PPP2R2B: variants seen among roughly 807,000 people sequenced by gnomAD.
PPP2R2B encodes serine/threonine-protein phosphatase 2A 55 kDa regulatory subunit B beta isoform.
Under a neutral mutation model 46.0 loss-of-function variants are expected in PPP2R2B, and 5 were observed. The observed-to-expected ratio is 0.11, with a 90% CI of 0.06 to 0.23. PPP2R2B has a LOEUF of 0.23. Among genes scored for constraint, PPP2R2B ranks in the 10% least tolerant of loss-of-function variants. The pLI, the probability that PPP2R2B is intolerant of heterozygous loss-of-function variation, is 1.00. For missense variants in PPP2R2B, 367 were observed against 575.0 expected (o/e 0.64, Z 3.70); for synonymous variants, 215 against 206.7 (o/e 1.04, Z -0.34).
chr5:146,800,760 A>C (rs1756812932), intron 2 of PPP2R2B, among the ~76,000 whole-genome samples: 1 of 151,996 alleles, frequency 6.6e-6, no homozygotes, highest in African/African-American at 2.4e-5. Flanking sequence ...TAGGGGTTCA[A>C]AATAGGGGGG....
chr5:146,593,281 G>A (rs1770841098), intron 8 of PPP2R2B, among the ~76,000 whole-genome samples: 1 of 152,202 alleles, frequency 6.6e-6, no homozygotes, highest in Admixed American at 6.5e-5. Context: ...AATCAAGCTT[G>A]CTTGTATAGA....
intron 2 of PPP2R2B, among the ~76,000 whole-genome samples, chr5:146,829,769 T>C (rs1312650653): frequency 3.3e-5 from 5 of 152,218 alleles, no homozygotes; most frequent in African/African-American, 1.2e-4. Flanking sequence ...CTCCATTTTT[T>C]CACGTAACTA....
Position 146,590,111 on chromosome 5 carries a change from G to C in PPP2R2B, c.1168C>G (p.Pro390Ala). Residue 390 changes from proline to alanine, a missense_variant, in exon 10 of 10, where the codon CCC (proline) becomes GCC (alanine). Pro to Ala is a conservative substitution (Grantham distance 27). This residue lies in a region of PPP2R2B where 361 missense variants were observed against 545.5 expected (regional missense o/e 0.66). Transcript: ENST00000394411. ...TTGCCCCCCACACACACTTTTCGGG[G>C]TTTGAGGATAGCCCGGGGCTTGCTG... ...ENSKPRAILKPRKVCVGGKRR... is the reference protein window; with the variant it reads ...ENSKPRAILKARKVCVGGKRR... 6.2e-7 allele frequency: 1 copy of C among 1,614,108 alleles called. No homozygotes were observed. The highest frequency in any genetic ancestry group is 8.5e-7 in the Non-Finnish European group (1 of 1,180,036).
intron 2 of PPP2R2B, among the ~76,000 whole-genome samples, chr5:146,768,818 AC>A (rs796872079): frequency 2.6e-5 from 4 of 151,538 alleles, no homozygotes; most frequent in African/African-American, 9.7e-5. Flanking sequence ...TGTTTCTGAG[AC>A]TTTTTACAGC....
At chr5:146,756,768 T>C (rs774100790) in intron 2 of PPP2R2B, among the ~76,000 whole-genome samples, 11 of 152,218 alleles carry the variant, frequency 7.2e-5, no homozygotes, top group Non-Finnish European at 1.2e-4. Flanking sequence ...GCCTGATGCA[T>C]AGTCAACATT....
intron 1 of PPP2R2B, among the ~76,000 whole-genome samples, chr5:146,978,012 T>C (rs577771091): frequency 3.9e-5 from 6 of 152,336 alleles, no homozygotes; most frequent in African/African-American, 1.2e-4. Flanking sequence ...AGCATTCCTA[T>C]TTCTCCACAT....
chr5:146,625,846 G>A (rs1374588510), intron 7 of PPP2R2B, among the ~76,000 whole-genome samples: 3 of 152,138 alleles, frequency 2.0e-5, no homozygotes, highest in African/African-American at 4.8e-5. Context: ...TGGGCCCAGC[G>A]TAATCACAAA....
chr5:146,631,310 G>A (rs1416028040), intron 7 of PPP2R2B, among the ~76,000 whole-genome samples: 1 of 152,180 alleles, frequency 6.6e-6, no homozygotes, highest in African/African-American at 2.4e-5. Context: ...GAAAATAAGA[G>A]AACTGCCCAC....
At chr5:147,008,741 T>G (rs539044930) in intron 1 of PPP2R2B, among the ~76,000 whole-genome samples, 15 of 152,174 alleles carry the variant, frequency 9.9e-5, no homozygotes, top group Non-Finnish European at 1.8e-4. Context: ...CTCAGATGTT[T>G]GAGGGTTTCT....
intron 2 of PPP2R2B, among the ~76,000 whole-genome samples, chr5:146,748,181 C>T (rs1481000611): frequency 6.6e-6 from 1 of 152,132 alleles, no homozygotes; most frequent in Non-Finnish European, 1.5e-5. Flanking sequence ...CAAGAGGCTG[C>T]CCATGGTCAT....
chr5:146,800,746 T>G (rs1756812654), intron 2 of PPP2R2B, among the ~76,000 whole-genome samples: 1 of 151,886 alleles, frequency 6.6e-6, no homozygotes, highest in Non-Finnish European at 1.5e-5. Context: ...GGGGTAGGAA[T>G]GACTAGGGGT....
intron 2 of PPP2R2B, chr5:147,081,038 G>A (rs758399860): frequency 4.6e-4 from 708 of 1,529,804 alleles, no homozygotes; most frequent in Non-Finnish European, 5.7e-4. Context: ...GCAAGGAAAA[G>A]GGCATGGGGA....
chr5:146,772,434 T>C (rs1470512782), intron 2 of PPP2R2B, among the ~76,000 whole-genome samples: 1 of 123,006 alleles, frequency 8.1e-6, no homozygotes, highest in African/African-American at 3.2e-5. Context: ...ATATATATAC[T>C]TATTTCTAAA....
intron 1 of PPP2R2B, among the ~76,000 whole-genome samples, chr5:147,051,781 G>C (rs75301940): frequency 4.0e-4 from 4 of 9,956 alleles, no homozygotes; most frequent in Admixed American, 2.8e-3. Flanking sequence ...TTTTTTTTTT[G>C]AGATGGAGTC....
upstream of PPP2R2B, among the ~76,000 whole-genome samples, chr5:146,880,179 TTGTGTGTGTGTGTGTGTGTGTGTGTG>T (rs57151657): frequency 1.4e-5 from 2 of 138,158 alleles, no homozygotes; most frequent in Non-Finnish European, 3.2e-5. Context: ...CATAGTTATT[TTGTGTGTGTGTGTGTGTGTGTGTGTG>T]TGTGTGTGTG....
intron 4 of PPP2R2B, among the ~76,000 whole-genome samples, chr5:146,691,907 C>A (rs115894007): frequency 7.9e-5 from 12 of 152,282 alleles, no homozygotes; most frequent in African/African-American, 1.2e-4. Context: ...TTTCCTCTTG[C>A]GCTTGCATCC....
intron 2 of PPP2R2B, among the ~76,000 whole-genome samples, chr5:146,808,978 T>TGTGTGTGC (rs1452372060): frequency 1.2e-4 from 18 of 150,518 alleles, no homozygotes; most frequent in Admixed American, 9.2e-4. Flanking sequence ...TGTGTGTGTG[T>TGTGTGTGC]GTGTGTGTGT....
At chr5:146,795,523 G>A (rs955752091) in intron 2 of PPP2R2B, among the ~76,000 whole-genome samples, 2 of 152,128 alleles carry the variant, frequency 1.3e-5, no homozygotes, top group Non-Finnish European at 2.9e-5. Flanking sequence ...ATTACCAGGG[G>A]TTGAGGAGTG....
chr5:146,765,032 G>A (rs1754396159), intron 2 of PPP2R2B, among the ~76,000 whole-genome samples: 1 of 152,176 alleles, frequency 6.6e-6, no homozygotes, highest in Non-Finnish European at 1.5e-5. Context: ...AGAGGTTTCA[G>A]AAGAATAAGT....
Sources: gnomAD v4.1 joint callset for allele counts (sites outside exome capture counted in the v4.1 genomes callset) on GRCh38, gnomAD v4.1.1 for gene constraint, gnomAD v4.1.1 regional missense constraint, MANE v1.5 for transcripts, NCBI Gene and HGNC (gene_info 2026-07-23, HGNC 2026-07-21) for gene names.